The following USP30 variants were observed in gnomAD, a reference collection of about 807,000 sequenced individuals.
USP30 encodes ubiquitin carboxyl-terminal hydrolase 30.
Under a neutral mutation model 68.2 loss-of-function variants are expected in USP30, and 41 were observed. That is an observed-to-expected ratio of 0.60 (90% CI 0.47 to 0.78). The LOEUF is 0.78. USP30 is among the 30% of genes least tolerant of loss of function. The pLI is 0.00. For missense variants in USP30, 522 were observed against 649.4 expected (o/e 0.80, Z 2.13); for synonymous variants, 229 against 253.7 (o/e 0.90, Z 0.93).
chr12:109,034,786 T>G (rs1349939982), intron 3 of USP30, among the ~76,000 whole-genome samples: 1 of 152,194 alleles, frequency 6.6e-6, no homozygotes, highest in African/African-American at 2.4e-5. Flanking sequence ...TTTTTTTCAT[T>G]GTATTTTGGG....
chr12:109,080,806 T>C (rs1214768090), intron 7 of USP30, among the ~76,000 whole-genome samples: 1 of 152,228 alleles, frequency 6.6e-6, no homozygotes, highest in Non-Finnish European at 1.5e-5. Flanking sequence ...TGTGTTACAG[T>C]TGCTTACAGC....
intron 3 of USP30, among the ~76,000 whole-genome samples, chr12:109,031,305 C>T (rs1403852385): frequency 1.3e-5 from 2 of 152,188 alleles, no homozygotes; most frequent in Non-Finnish European, 2.9e-5. Flanking sequence ...ACACATGTGT[C>T]CTCAATGGCA....
intron 3 of USP30, among the ~76,000 whole-genome samples, chr12:109,034,092 C>T (rs2040501910): frequency 6.6e-6 from 1 of 152,180 alleles, no homozygotes. Context: ...AGCTCTCAAA[C>T]AAAAACAGCT....
chr12:109,076,732 C>CTTT (rs71079520), intron 7 of USP30, among the ~76,000 whole-genome samples: 34 of 124,700 alleles, frequency 2.7e-4, no homozygotes, highest in East Asian at 4.5e-4. Flanking sequence ...TTGATTTTTT[C>CTTT]TTTTTTTTTT....
At position 109,070,110 on chromosome 12, in the gene USP30, C is replaced by T. The variant is rs2041389921; in HGVS notation, c.481-1502C>T. Among the ~76,000 whole-genome samples the T allele has an allele frequency of 6.6e-6, 1 of 151,940 alleles. No homozygotes were observed. Among genetic ancestry groups the T allele is most frequent in the Admixed American group, 6.6e-5 (1 of 15,264 alleles). ...CCACTAGAGGACTTTGAACTGGGGA[C>T]TGGTTTGATCTGACTTGTTAGAAAA... On this transcript the variant is annotated intron_variant, in intron 4 of 12. Transcript: ENST00000257548. This position sits in a 1 kb window ranked among gnomAD's most constrained non-coding sequence, Gnocchi z 4.0.
In USP30 at chr12:109,082,023, T is replaced by C. The variant is rs1446024366; in HGVS notation, c.867+4T>C. 4 of 1,614,066 alleles carry C rather than the reference T, an allele frequency of 2.5e-6. No individual in the cohort carries two copies. The African/African-American group carries it at 5.3e-5, about 22-fold the overall frequency. Reference sequence around the variant, plus strand: ...TGTGTGTGACAACTGTACAAAGGTATGCATTGAACCCCAAATGTCATCGCC... The same window carrying C: ...TGTGTGTGACAACTGTACAAAGGTACGCATTGAACCCCAAATGTCATCGCC... On this transcript the variant is annotated splice_donor_region_variant and intron_variant, in intron 9 of 12. Coordinates refer to ENST00000257548, the MANE Select transcript of USP30 (RefSeq NM_032663.5).
upstream of USP30, among the ~76,000 whole-genome samples, chr12:109,051,577 T>TC: frequency 7.0e-6 from 1 of 142,912 alleles, no homozygotes; most frequent in Non-Finnish European, 1.5e-5. Flanking sequence ...GACCTCTTTT[T>TC]TTTTTTTTTT....
chr12:109,087,243 T>G lies in USP30; in HGVS notation c.*1312T>G, dbSNP rs1051572204. On this transcript the variant is annotated 3_prime_UTR_variant, in exon 13 of 13. Coordinates refer to ENST00000257548, the MANE Select transcript of USP30 (RefSeq NM_032663.5). Reference sequence around the variant, plus strand: ...AAATGGATACCAAATTCAAACCGACTCATCAGAGGTAAGATTTGGAATCAG... The same window carrying G: ...AAATGGATACCAAATTCAAACCGACGCATCAGAGGTAAGATTTGGAATCAG... 1 of 152,168 alleles carries G rather than the reference T, an allele frequency of 6.6e-6. No individual in the cohort carries two copies. The highest frequency in any genetic ancestry group is 6.5e-5 in the Admixed American group (1 of 15,272). The allele number at this position is 152,168 out of a possible 1,614,324, so 9.4% of individuals were successfully genotyped here.
At chr12:109,038,208 C>A (rs990295422) in intron 3 of USP30, among the ~76,000 whole-genome samples, 1 of 131,630 alleles carries the variant, frequency 7.6e-6, no homozygotes, top group Non-Finnish European at 1.6e-5. Flanking sequence ...GGTTCCCGCC[C>A]CCCTCCCCAC....
chr12:109,082,949 A>G lies in USP30; in HGVS notation c.1055A>G (p.Asp352Gly). 6.2e-7 allele frequency: 1 copy of G among 1,614,242 alleles called. No individual in the cohort carries two copies. Among genetic ancestry groups the G allele is most frequent in the East Asian group, 2.2e-5 (1 of 44,882 alleles). ...HVQFNEFLMM[D>G]IYKYHLLGHK... The stretch of plus-strand genomic sequence containing the variant: ...CAGTTCAATGAGTTCCTGATGATGG[A>G]CATTTACAAGTACCACCTCCTTGGA... The change falls in exon 11 of 13, where the codon GAC becomes GGC. Residue 352 changes from aspartate (D) to glycine (G), a missense_variant. By Grantham distance (94) the Asp-to-Gly change is moderately conservative. Transcript: ENST00000257548.
intron 2 of USP30, among the ~76,000 whole-genome samples, chr12:109,025,985 T>C (rs969503749): frequency 2.0e-5 from 3 of 151,984 alleles, no homozygotes; most frequent in African/African-American, 7.2e-5. Flanking sequence ...GACCCTGGCA[T>C]GAAGCGTTTT....
chr12:109,079,875 T>C (rs553680104), intron 7 of USP30, among the ~76,000 whole-genome samples: 18 of 152,360 alleles, frequency 1.2e-4, no homozygotes, highest in African/African-American at 3.6e-4. Context: ...CCTCGTGTGC[T>C]GACTTCTTTG....
intron 1 of USP30, among the ~76,000 whole-genome samples, chr12:109,023,369 A>G (rs1487120326): frequency 1.3e-5 from 2 of 152,066 alleles, no homozygotes; most frequent in Non-Finnish European, 2.9e-5. Context: ...CCTGGCCAAC[A>G]TGGCAAAACC....
chr12:109,081,889 G>A (rs763107450), intron 8 of USP30, 44 bp from the exon 9 acceptor site: 2 of 1,575,002 alleles, frequency 1.3e-6, no homozygotes, highest in Admixed American at 3.3e-5. Context: ...TTTCAGTATA[G>A]CTGTCCTTTG....
At chr12:109,056,175 T>TTTG (rs138193365) in intron 1 of USP30, among the ~76,000 whole-genome samples, 128 of 151,392 alleles carry the variant, frequency 8.5e-4, no homozygotes, top group African/African-American at 1.9e-3. Context: ...TGACTTAGTT[T>TTTG]TTGTTGTTGT....
chr12:109,082,590 C>T, intron 9 of USP30, 73 bp from the exon 10 acceptor site: 2 of 1,456,398 alleles, frequency 1.4e-6, no homozygotes, highest in Non-Finnish European at 1.9e-6. Flanking sequence ...GCTATAACAC[C>T]ACTGTGGTCT....
chr12:109,071,363 C>T (rs1371258525), intron 4 of USP30, among the ~76,000 whole-genome samples: 1 of 152,222 alleles, frequency 6.6e-6, no homozygotes, highest in Non-Finnish European at 1.5e-5. Context: ...AGAATGGTCT[C>T]ATAGACTGCT....
At chr12:109,032,484 T>A (rs142522281) in intron 3 of USP30, among the ~76,000 whole-genome samples, 5 of 152,314 alleles carry the variant, frequency 3.3e-5, no homozygotes, top group African/African-American at 1.2e-4. Context: ...CAGTACTGAT[T>A]ATGGTGTAAT....
At chr12:109,030,027 T>C (rs894548151) in intron 3 of USP30, among the ~76,000 whole-genome samples, 5 of 152,246 alleles carry the variant, frequency 3.3e-5, no homozygotes, top group Non-Finnish European at 7.3e-5. Context: ...TTGAAATACG[T>C]GTTGAACTAT....
Sources: gnomAD v4.1 joint callset for allele counts (sites outside exome capture counted in the v4.1 genomes callset) on GRCh38, gnomAD v4.1.1 for gene constraint, Gnocchi (gnomAD v3.1) non-coding constraint, MANE v1.5 for transcripts, NCBI Gene and HGNC (gene_info 2026-07-23, HGNC 2026-07-21) for gene names.